PRMT3: variants seen among roughly 807,000 people sequenced by gnomAD.
PRMT3 encodes protein arginine N-methyltransferase 3.
A neutral mutation model predicts 71.9 loss-of-function variants in PRMT3; 62 were observed. The ratio of observed to expected loss-of-function variants is 0.86; its 90% confidence interval spans 0.70 to 1.07. The LOEUF (loss-of-function observed/expected upper bound fraction) is 1.07, where lower values mean the gene tolerates loss of function less well. Among genes scored for constraint, PRMT3 ranks in the 50% least tolerant of loss-of-function variants. The pLI, the probability that PRMT3 is intolerant of heterozygous loss-of-function variation, is 0.00. For missense variants in PRMT3, 663 were observed against 643.0 expected (o/e 1.03, Z -0.34); for synonymous variants, 213 against 220.4 (o/e 0.97, Z 0.30).
At chr11:20,480,092 G>T (rs905553884) in intron 13 of PRMT3, among the ~76,000 whole-genome samples, 1 of 152,174 alleles carries the variant, frequency 6.6e-6, no homozygotes, top group Non-Finnish European at 1.5e-5. Flanking sequence ...TGGAAGGATC[G>T]CTTGAAGCCA....
rs756922176 is a variant in PRMT3 at position 20,508,451 on chromosome 11, G to A, written c.*38G>A. On this transcript the variant is annotated 3_prime_UTR_variant, in exon 16 of 16. Coordinates refer to ENST00000331079, the MANE Select transcript of PRMT3 (RefSeq NM_005788.4). ...AGCACACTACCTTGTAGTTTTTAAT[G>A]TGGGGGTAGAGTGGGTCAGCAGGAG... 9.0e-6 allele frequency: 13 copies of A among 1,447,058 alleles called. No homozygotes were observed. Among genetic ancestry groups the A allele is most frequent in the Non-Finnish European group, 1.3e-5 (13 of 1,028,364 alleles). 89.6% of individuals were successfully genotyped at this position (1,447,058 alleles called of 1,614,324 possible).
At chr11:20,454,247 T>C (rs1347049637) in intron 11 of PRMT3, among the ~76,000 whole-genome samples, 1 of 152,206 alleles carries the variant, frequency 6.6e-6, no homozygotes, top group East Asian at 1.9e-4. Context: ...ATTTTTTAAA[T>C]GTGATTATTG....
intron 8 of PRMT3, among the ~76,000 whole-genome samples, chr11:20,403,951 T>A (rs1849006188): frequency 6.6e-6 from 1 of 152,146 alleles, no homozygotes; most frequent in Admixed American, 6.5e-5. Context: ...CTGGATTGGC[T>A]TTTCATTTTC....
intron 9 of PRMT3, among the ~76,000 whole-genome samples, chr11:20,423,174 C>T (rs1020243038): frequency 1.7e-4 from 26 of 152,212 alleles, no homozygotes; most frequent in Non-Finnish European, 2.8e-4. Flanking sequence ...ATTCACTTCT[C>T]TCATTTCTTC....
chr11:20,438,792 T>C (rs1849819280), intron 10 of PRMT3, among the ~76,000 whole-genome samples: 1 of 152,162 alleles, frequency 6.6e-6, no homozygotes, highest in Non-Finnish European at 1.5e-5. Context: ...CAAGGCACCA[T>C]TTCCTGGGAT....
At chr11:20,398,398 T>C (rs920065495) in intron 7 of PRMT3, among the ~76,000 whole-genome samples, 4 of 152,230 alleles carry the variant, frequency 2.6e-5, no homozygotes, top group Non-Finnish European at 5.9e-5. Context: ...TGCATGCTAG[T>C]GTTTTGGTCA....
At position 20,387,876 on chromosome 11, in the gene PRMT3, G is replaced by C. The variant is rs1848630024; in HGVS notation, c.28+102G>C. On this transcript the variant is annotated intron_variant, in intron 1 of 15. Transcript: ENST00000331079. This position sits in a 1 kb window ranked among gnomAD's most constrained non-coding sequence, Gnocchi z 4.3. Reference sequence around the variant, plus strand: ...CGGGACACGGGCCCGGGCAGGGTGGGGGGCTCGCAGGGATCATGAAGGAGG... The same window carrying C: ...CGGGACACGGGCCCGGGCAGGGTGGCGGGCTCGCAGGGATCATGAAGGAGG... 1 of 1,534,594 alleles carries C rather than the reference G, an allele frequency of 6.5e-7. No homozygotes were observed. Among genetic ancestry groups the C allele is most frequent in the Non-Finnish European group, 8.8e-7 (1 of 1,139,278 alleles).
intron 7 of PRMT3, among the ~76,000 whole-genome samples, chr11:20,399,783 C>A (rs1452752556): frequency 6.6e-6 from 1 of 152,180 alleles, no homozygotes; most frequent in East Asian, 1.9e-4. Flanking sequence ...ATGTCAGTAA[C>A]CATAAGACTT....
In PRMT3 at chr11:20,392,241, T is replaced by A; in HGVS notation, c.278T>A (p.Ile93Lys). 6.4e-7 allele frequency: 1 copy of A among 1,562,796 alleles called. No homozygotes were observed. The highest frequency in any genetic ancestry group is 8.7e-7 in the Non-Finnish European group (1 of 1,147,262). Residue 93 changes from isoleucine to lysine, a missense_variant, in exon 4 of 16, where the codon ATA becomes AAA. By Grantham distance (102) the Ile-to-Lys change is moderately radical. Coordinates refer to ENST00000331079, the MANE Select transcript of PRMT3 (RefSeq NM_005788.4). ...GLEFYGYIKL[I>K]NFIRLKNPTV... ...GAATTTTATGGATACATTAAGCTAA[T>A]AAATTTTATTAGACTTAAGGTAAGT...
intron 2 of PRMT3, among the ~76,000 whole-genome samples, chr11:20,389,008 C>G (rs147530274): frequency 7.2e-5 from 11 of 152,270 alleles, no homozygotes; most frequent in Admixed American, 2.6e-4. Context: ...TGTATATATT[C>G]TAGTTGTCAT....
chr11:20,429,862 T>C (rs989813388), intron 10 of PRMT3, among the ~76,000 whole-genome samples: 1 of 152,234 alleles, frequency 6.6e-6, no homozygotes, highest in Admixed American at 6.5e-5. Context: ...TGCTAAATTA[T>C]TTTCAATCAT....
At chr11:20,463,963 A>G (rs576238897) in intron 12 of PRMT3, among the ~76,000 whole-genome samples, 44 of 152,348 alleles carry the variant, frequency 2.9e-4, no homozygotes, top group Non-Finnish European at 5.3e-4. Context: ...AACAAAACTT[A>G]TCTTCAATTA....
chr11:20,482,539 C>G (rs748460446), intron 13 of PRMT3, among the ~76,000 whole-genome samples: 3 of 151,986 alleles, frequency 2.0e-5, no homozygotes, highest in Non-Finnish European at 4.4e-5. Context: ...GAGGGGTTCT[C>G]CCTAGACTTA....
intron 8 of PRMT3, chr11:20,407,658 C>T (rs1029914152): frequency 1.1e-5 from 3 of 281,254 alleles, no homozygotes; most frequent in African/African-American, 6.6e-5. Context: ...GATTATCTCT[C>T]TTCTGGAGTC....
At chr11:20,500,843 C>T (rs565511325) in intron 15 of PRMT3, among the ~76,000 whole-genome samples, 1 of 152,282 alleles carries the variant, frequency 6.6e-6, no homozygotes, top group African/African-American at 2.4e-5. Context: ...CATTCGAACA[C>T]ATTTTATGTA....
intron 13 of PRMT3, among the ~76,000 whole-genome samples, chr11:20,465,121 AAG>A (rs1209567620): frequency 6.6e-6 from 1 of 152,154 alleles, no homozygotes; most frequent in African/African-American, 2.4e-5. Flanking sequence ...CAGTTGCTTT[AAG>A]AAAAATGGGG....
chr11:20,417,354 A>G (rs562520581), intron 9 of PRMT3, among the ~76,000 whole-genome samples: 1 of 152,266 alleles, frequency 6.6e-6, no homozygotes, highest in East Asian at 1.9e-4. Flanking sequence ...ATTTATATCT[A>G]TTAGGATATT....
chr11:20,418,399 A>G (rs529402786), intron 9 of PRMT3, among the ~76,000 whole-genome samples: 1 of 152,294 alleles, frequency 6.6e-6, no homozygotes, highest in African/African-American at 2.4e-5. Flanking sequence ...TGTCAGTGAT[A>G]TCTGTTTTAA....
chr11:20,392,761 C>G lies in PRMT3; in HGVS notation c.298-136C>G, dbSNP rs148760547. 2,080 of 567,262 alleles carry G rather than the reference C, an allele frequency of 3.7e-3. 7 individuals are homozygous for G. Among genetic ancestry groups the G allele is most frequent in the Middle Eastern group, 0.012 (24 of 2,062 alleles). 35.1% of individuals were successfully genotyped at this position (567,262 alleles called of 1,614,324 possible). ...CAGCAAGTTAATGAAATGACAGGCACGTAGACTTTTTGGAGACATACTGAC... is the reference window on the plus strand; with the variant it reads ...CAGCAAGTTAATGAAATGACAGGCAGGTAGACTTTTTGGAGACATACTGAC... On this transcript the variant is annotated intron_variant, in intron 4 of 15. Coordinates refer to ENST00000331079, the MANE Select transcript of PRMT3 (RefSeq NM_005788.4).
Sources: gnomAD v4.1 joint callset for allele counts (sites outside exome capture counted in the v4.1 genomes callset) on GRCh38, gnomAD v4.1.1 for gene constraint, Gnocchi (gnomAD v3.1) non-coding constraint, MANE v1.5 for transcripts, NCBI Gene and HGNC (gene_info 2026-07-23, HGNC 2026-07-21) for gene names.